The following MRAP2 variants were observed in gnomAD, a reference collection of about 807,000 sequenced individuals.
MRAP2 encodes the protein melanocortin-2 receptor accessory protein 2.
In MRAP2, 20 loss-of-function variants were observed where a neutral mutation model predicts 17.4. That is an observed-to-expected ratio of 1.15 (90% CI 0.81 to 1.67). MRAP2 has a LOEUF of 1.67. Ranked by LOEUF, MRAP2 falls within the 40% of genes most tolerant of loss-of-function variation. The pLI is 0.00. For missense variants in MRAP2, 238 were observed against 240.0 expected, an observed-to-expected ratio of 0.99 and a Z score of 0.05; for synonymous variants, 96 against 88.4, an observed-to-expected ratio of 1.09 and a Z score of -0.48.
chr6:84,046,915 T>C (rs969040872), intron 1 of MRAP2, among the ~76,000 whole-genome samples: 2 of 149,854 alleles, frequency 1.3e-5, no homozygotes, highest in South Asian at 2.1e-4. Context: ...CTGTCAGGGG[T>C]TGAAAGGGAT....
At chr6:84,069,911 G>A (rs1367048946) in intron 3 of MRAP2, among the ~76,000 whole-genome samples, 1 of 151,820 alleles carries the variant, frequency 6.6e-6, no homozygotes, top group Non-Finnish European at 1.5e-5. Context: ...ATGATCTTTT[G>A]TATTTCAGTG....
At chr6:84,101,797 A>G in the MRAP2 span, among the ~76,000 whole-genome samples, 2 of 152,252 alleles carry the variant, frequency 1.3e-5, no homozygotes, top group African/African-American at 4.8e-5. Flanking sequence ...TTATTAGTTG[A>G]TTCCATTAAA....
At chr6:84,119,500 A>T in the MRAP2 span, among the ~76,000 whole-genome samples, 3 of 152,124 alleles carry the variant, frequency 2.0e-5, no homozygotes, top group Non-Finnish European at 2.9e-5. Flanking sequence ...CCTCTAGGAG[A>T]TCAGATTCTC....
chr6:84,069,241 T>C (rs1044126091), intron 3 of MRAP2, among the ~76,000 whole-genome samples: 36 of 152,180 alleles, frequency 2.4e-4, no homozygotes, highest in Non-Finnish European at 1.3e-4. Context: ...GGGTTTGTCA[T>C]AGATGGCTTT....
chr6:84,078,247 G>T (rs946662615), intron 3 of MRAP2, among the ~76,000 whole-genome samples: 1 of 152,048 alleles, frequency 6.6e-6, no homozygotes, highest in African/African-American at 2.4e-5. Flanking sequence ...AACTGACAAA[G>T]AACTCATATT....
At chr6:84,039,955 G>A (rs1022072344) in intron 1 of MRAP2, among the ~76,000 whole-genome samples, 4 of 150,406 alleles carry the variant, frequency 2.7e-5, no homozygotes, top group Middle Eastern at 3.4e-3. Context: ...AAAAAGAAAC[G>A]AGAGAGAAAG....
chr6:84,134,919 T>C, the MRAP2 span, among the ~76,000 whole-genome samples: 2,565 of 148,426 alleles, frequency 0.017, 135 homozygotes, highest in African/African-American at 0.058. Context: ...AGATCATATA[T>C]ACACACACAC....
At chr6:84,097,905 C>T in the MRAP2 span, among the ~76,000 whole-genome samples, 1 of 152,160 alleles carries the variant, frequency 6.6e-6, no homozygotes, top group African/African-American at 2.4e-5. Flanking sequence ...CTGATTATCT[C>T]AGTCGAATCA....
At chr6:84,102,661 A>T in the MRAP2 span, among the ~76,000 whole-genome samples, 1 of 152,188 alleles carries the variant, frequency 6.6e-6, no homozygotes, top group Non-Finnish European at 1.5e-5. Context: ...GTTTGCTATA[A>T]CTTGTTACAA....
the MRAP2 span, among the ~76,000 whole-genome samples, chr6:84,114,195 C>T: frequency 6.6e-6 from 1 of 151,998 alleles, no homozygotes; most frequent in Non-Finnish European, 1.5e-5. Context: ...TTCCATTCTC[C>T]CCCTCACTTC....
the MRAP2 span, among the ~76,000 whole-genome samples, chr6:84,098,260 C>T: frequency 0.042 from 6,416 of 152,160 alleles, 195 homozygotes; most frequent in Admixed American, 0.086. Flanking sequence ...TTTTGAGATT[C>T]GTCCATGTTG....
the MRAP2 span, among the ~76,000 whole-genome samples, chr6:84,142,919 G>GACT: frequency 6.6e-6 from 1 of 151,994 alleles, no homozygotes; most frequent in Admixed American, 6.6e-5. Flanking sequence ...ATAAGATGAT[G>GACT]ACTAGATGTT....
chr6:84,113,142 A>C, the MRAP2 span, among the ~76,000 whole-genome samples: 1 of 152,192 alleles, frequency 6.6e-6, no homozygotes, highest in South Asian at 2.1e-4. Context: ...TCGAGTCCTG[A>C]ATATCCTTGT....
At chr6:84,046,240 A>C (rs2129160630) in intron 1 of MRAP2, among the ~76,000 whole-genome samples, 1 of 152,274 alleles carries the variant, frequency 6.6e-6, no homozygotes, top group East Asian at 1.9e-4. Context: ...TACTTTGCAA[A>C]ATAAAAATGC....
the MRAP2 span, among the ~76,000 whole-genome samples, chr6:84,107,191 T>C: frequency 6.9e-4 from 105 of 152,094 alleles, no homozygotes; most frequent in Non-Finnish European, 1.2e-3. Flanking sequence ...TACTCAAAAC[T>C]AGTAGCTTTT....
intron 1 of MRAP2, among the ~76,000 whole-genome samples, chr6:84,037,855 G>A (rs1460358831): frequency 6.6e-6 from 1 of 152,146 alleles, no homozygotes; most frequent in East Asian, 1.9e-4. Context: ...GAGGGAGCCA[G>A]CTCCAGCCTC....
the MRAP2 span, among the ~76,000 whole-genome samples, chr6:84,113,008 C>T: frequency 2.0e-5 from 3 of 152,140 alleles, no homozygotes. Context: ...GAGTGTTTTA[C>T]TTCCAATTAT....
At chr6:84,046,665 C>T (rs1336800514) in intron 1 of MRAP2, among the ~76,000 whole-genome samples, 1 of 150,430 alleles carries the variant, frequency 6.6e-6, no homozygotes, top group African/African-American at 2.5e-5. Context: ...CCTGTTGTCT[C>T]AGCTACTCAG....
At chr6:84,111,014 T>C in the MRAP2 span, among the ~76,000 whole-genome samples, 8 of 152,194 alleles carry the variant, frequency 5.3e-5, no homozygotes. Flanking sequence ...CCTTGTAGTA[T>C]AGGTTGAAGC....
Sources: gnomAD v4.1 joint callset for allele counts (sites outside exome capture counted in the v4.1 genomes callset) on GRCh38, gnomAD v4.1.1 for gene constraint, MANE v1.5 for transcripts, NCBI Gene and HGNC (gene_info 2026-07-23, HGNC 2026-07-21) for gene names.